The following PI4KA variants were observed in gnomAD, a reference collection of about 807,000 sequenced individuals.
The protein encoded by PI4KA is phosphatidylinositol 4-kinase alpha.
In PI4KA, 122 loss-of-function variants were observed where a neutral mutation model predicts 271.4. The observed-to-expected ratio is 0.45, with a 90% CI of 0.39 to 0.52. The LOEUF is 0.52. PI4KA is among the 20% of genes least tolerant of loss of function. The pLI is 0.00. For missense variants in PI4KA, 1,969 were observed against 2,769.1 expected, an observed-to-expected ratio of 0.71 and a Z score of 6.48; for synonymous variants, 1,041 against 1,078.8, an observed-to-expected ratio of 0.96 and a Z score of 0.69.
chr22:20,812,936 T>A (rs1005378801), intron 8 of PI4KA, among the ~76,000 whole-genome samples: 1 of 152,168 alleles, frequency 6.6e-6, no homozygotes, highest in Non-Finnish European at 1.5e-5. Flanking sequence ...TCACCCTCAA[T>A]GTCATCCAAA....
rs185343929 is a variant in PI4KA at position 20,721,190 on chromosome 22, C to T, written c.5116+108G>A. ...CAGCAAAGGGTGGGAGTGGAGGGGT[C>T]GGTGAGCTGGGGCAGTGCAGGCTGG... On this transcript the variant is annotated intron_variant, in intron 43 of 54. Transcript: ENST00000255882. 3.6e-5 allele frequency: 42 copies of T among 1,160,490 alleles called. 1 individual carries two copies. The highest frequency in any genetic ancestry group is 3.5e-4 in the East Asian group (15 of 42,388). The allele number at this position is 1,160,490 out of a possible 1,614,324, so 71.9% of individuals were successfully genotyped here.
intron 36 of PI4KA, among the ~76,000 whole-genome samples, 176 bp from the exon 37 acceptor site, chr22:20,730,187 G>A (rs1019310550): frequency 6.6e-6 from 1 of 152,194 alleles, no homozygotes; most frequent in Non-Finnish European, 1.5e-5. Context: ...CCAAAAGCAT[G>A]AGAAGTTCTT....
In PI4KA at chr22:20,721,486, T is replaced by C. The variant is rs1189594387; in HGVS notation, c.4996-68A>G. On this transcript the variant is annotated intron_variant, in intron 42 of 54. Coordinates refer to ENST00000255882, the MANE Select transcript of PI4KA (RefSeq NM_058004.4). ...CCATGAGGAGGGCCTTGTCAGCAGCTGCTGACTCCCGGCATTTGGTAGACC... is the reference window on the plus strand; with the variant it reads ...CCATGAGGAGGGCCTTGTCAGCAGCCGCTGACTCCCGGCATTTGGTAGACC... 2.6e-6 allele frequency: 4 copies of C among 1,566,162 alleles called. No individual in the cohort carries two copies. In the East Asian group the frequency reaches 9.0e-5, roughly 35 times the overall value.
rs557496561 is a variant in PI4KA, at chr22:20,814,540, A to G, written c.857-1034T>C. Among the ~76,000 whole-genome samples, 6 of 152,280 alleles carry G rather than the reference A, an allele frequency of 3.9e-5. No homozygotes were observed. The South Asian group carries it at 1.2e-3, about 32-fold the overall frequency. ...TGAGGTGGGAGGATTGCTTGAGTCC[A>G]GGAATTCAAGACCAGCCTGGGCAAT... On this transcript the variant is annotated intron_variant, in intron 7 of 54. Coordinates refer to ENST00000255882, the MANE Select transcript of PI4KA (RefSeq NM_058004.4).
chr22:20,709,488 C>T, intron 53 of PI4KA, 109 bp from the exon 54 acceptor site: 1 of 759,694 alleles, frequency 1.3e-6, no homozygotes, highest in Non-Finnish European at 2.3e-6. Flanking sequence ...GAGCCACGCC[C>T]TGGAAATGTA....
intron 1 of PI4KA, among the ~76,000 whole-genome samples, chr22:20,852,051 G>C (rs1241522969): frequency 6.6e-6 from 1 of 152,188 alleles, no homozygotes; most frequent in Non-Finnish European, 1.5e-5. Flanking sequence ...ATGAACCCAG[G>C]AGGCAGAGCT....
At chr22:20,812,965 AG>A (rs1156816388) in intron 8 of PI4KA, among the ~76,000 whole-genome samples, 1 of 152,172 alleles carries the variant, frequency 6.6e-6, no homozygotes, top group African/African-American at 2.4e-5. Context: ...AATATGAAAA[AG>A]TCAGGTTTTG....
intron 23 of PI4KA, among the ~76,000 whole-genome samples, chr22:20,757,014 A>C (rs1419286633): frequency 6.6e-6 from 1 of 152,170 alleles, no homozygotes; most frequent in East Asian, 1.9e-4. Flanking sequence ...GAACTGACTC[A>C]CAGGATGGTG....
chr22:20,724,596 ACT>A (rs746697490), intron 42 of PI4KA, among the ~76,000 whole-genome samples: 12 of 152,192 alleles, frequency 7.9e-5, no homozygotes, highest in Non-Finnish European at 1.8e-4. Context: ...ACAGAGCGAG[ACT>A]CTGTCTAAAA....
chr22:20,712,942 CCTTT>C lies in PI4KA; in HGVS notation c.5572-149_5572-146del, dbSNP rs1925501794. On this transcript the variant is annotated intron_variant, in intron 48 of 54. Coordinates refer to ENST00000255882, the MANE Select transcript of PI4KA (RefSeq NM_058004.4). ...GCCGAGCAAGAGTCTGGAAGGCCTT[CCTTT>C]CTGACCACCGGGGGCTGGACTCAGG... 1.0e-5 allele frequency: 8 copies of C among 799,490 alleles called. No individual in the cohort carries two copies. The South Asian group carries it at 1.3e-4, about 13-fold the overall frequency. 49.5% of individuals were successfully genotyped at this position (799,490 alleles called of 1,614,324 possible).
chr22:20,723,570 C>T (rs1927002016), intron 42 of PI4KA, among the ~76,000 whole-genome samples: 1 of 151,640 alleles, frequency 6.6e-6, no homozygotes, highest in Admixed American at 6.5e-5. Context: ...GTGGCTCACG[C>T]CCGTAATCCC....
At chr22:20,810,661 C>A (rs1368143784) in intron 9 of PI4KA, among the ~76,000 whole-genome samples, 1 of 152,088 alleles carries the variant, frequency 6.6e-6, no homozygotes, top group Non-Finnish European at 1.5e-5. Context: ...AGACCCAGGC[C>A]AGACTCCCAG....
intron 3 of PI4KA, among the ~76,000 whole-genome samples, chr22:20,827,343 T>C (rs1923555083): frequency 6.6e-6 from 1 of 152,184 alleles, no homozygotes; most frequent in South Asian, 2.1e-4. Flanking sequence ...GTTGACTCTG[T>C]TGAAGATCAG....
chr22:20,793,599 C>G (rs905019653), intron 18 of PI4KA, among the ~76,000 whole-genome samples: 1 of 152,130 alleles, frequency 6.6e-6, no homozygotes, highest in Admixed American at 6.5e-5. Flanking sequence ...AGATTTAAGA[C>G]TATGCTATGA....
chr22:20,708,343 C>G (rs1924778830), intron 54 of PI4KA, among the ~76,000 whole-genome samples: 1 of 152,084 alleles, frequency 6.6e-6, no homozygotes, highest in Non-Finnish European at 1.5e-5. Context: ...CTGCTCTGCC[C>G]CATGGGACTC....
chr22:20,780,103 A>T lies in PI4KA; in HGVS notation c.2328+13090T>A. On this transcript the variant is annotated intron_variant, in intron 19 of 54. Transcript: ENST00000255882. ...CCTGCCTTCATATCAAAAACCAACA[A>T]CCACATCATGAAGCTCACCAAGGGC... The T allele has an allele frequency of 1.2e-6, 2 of 1,614,096 alleles. No individual in the cohort carries two copies. The highest frequency in any genetic ancestry group is 1.3e-5 in the African/African-American group (1 of 75,004).
At chr22:20,824,291 A>G in intron 4 of PI4KA, 35 bp downstream of exon 4, 1 of 1,316,476 alleles carries the variant, frequency 7.6e-7, no homozygotes, top group Non-Finnish European at 1.1e-6. Context: ...TCAATCTAAT[A>G]GAAATGCATA....
chr22:20,784,332 A>G (rs1934037818), intron 19 of PI4KA: 1 of 1,569,324 alleles, frequency 6.4e-7, no homozygotes, highest in Non-Finnish European at 8.7e-7. Flanking sequence ...TTTTTTAAAA[A>G]GGGAGAATTA....
intron 29 of PI4KA, 70 bp from the exon 30 acceptor site, chr22:20,744,790 C>T: frequency 7.8e-7 from 1 of 1,277,650 alleles, no homozygotes; most frequent in Non-Finnish European, 1.1e-6. Flanking sequence ...CATGGCTAAG[C>T]CTAAACCCAA....
Sources: allele counts gnomAD v4.1 joint callset (sites outside exome capture counted in the v4.1 genomes callset), GRCh38; gene constraint gnomAD v4.1.1; transcripts MANE v1.5; gene names NCBI Gene and HGNC (gene_info 2026-07-23, HGNC 2026-07-21).